QKI: variants seen among roughly 807,000 people sequenced by gnomAD.
The protein encoded by QKI is QKI, KH domain containing RNA binding.
In QKI, 10 loss-of-function variants were observed where a neutral mutation model predicts 39.0. That is an observed-to-expected ratio of 0.26 (90% CI 0.16 to 0.43). The LOEUF (loss-of-function observed/expected upper bound fraction) is 0.43, where lower values mean the gene tolerates loss of function less well. Ranked by LOEUF, QKI falls within the 20% of genes least tolerant of loss-of-function variation. QKI has a pLI of 1.00. For synonymous variants in QKI, 204 were observed against 155.4 expected, an observed-to-expected ratio of 1.31 and a Z score of -2.33; for missense variants, 218 against 428.0, an observed-to-expected ratio of 0.51 and a Z score of 4.33.
At chr6:163,543,894 A>G (rs925385100) in intron 4 of QKI, among the ~76,000 whole-genome samples, 5 of 152,130 alleles carry the variant, frequency 3.3e-5, no homozygotes, top group African/African-American at 9.7e-5. Flanking sequence ...ATATATTTTC[A>G]GATAATGCTA....
chr6:163,415,026 C>T lies in QKI; in HGVS notation c.-168C>T. 8.2e-6 allele frequency: 5 copies of T among 610,802 alleles called. No individual in the cohort carries two copies. Among genetic ancestry groups the T allele is most frequent in the Non-Finnish European group, 1.0e-5 (5 of 498,338 alleles). The allele number at this position is 610,802 out of a possible 1,614,324, so 37.8% of individuals were successfully genotyped here. ...AGTGCCTGCGGGGGGCGGGCGAGCG[C>T]GCGGTGCCGGCCGCCCCGGGGCTCG... On this transcript the variant is annotated 5_prime_UTR_variant, in exon 1 of 8. Transcript: ENST00000361752.
At chr6:163,431,069 G>T (rs1452023952) in intron 1 of QKI, among the ~76,000 whole-genome samples, 1 of 152,012 alleles carries the variant, frequency 6.6e-6, no homozygotes. Flanking sequence ...AAATTTTAGG[G>T]GATTGTTAAA....
intron 3 of QKI, among the ~76,000 whole-genome samples, chr6:163,521,562 G>A (rs538109144): frequency 2.0e-5 from 3 of 152,162 alleles, no homozygotes; most frequent in Admixed American, 6.5e-5. Flanking sequence ...TCACTCTGTC[G>A]CCCAGGCTGG....
At chr6:163,546,717 T>C (rs966027991) in intron 4 of QKI, among the ~76,000 whole-genome samples, 2 of 152,088 alleles carry the variant, frequency 1.3e-5, no homozygotes, top group Non-Finnish European at 2.9e-5. Flanking sequence ...CATTTTAGTA[T>C]TAAGATTATT....
intron 1 of QKI, among the ~76,000 whole-genome samples, chr6:163,447,538 A>G (rs1007286083): frequency 6.6e-5 from 10 of 152,086 alleles, no homozygotes; most frequent in Non-Finnish European, 8.8e-5. Flanking sequence ...TCTGGTATCT[A>G]TAATTCTACT....
At chr6:163,481,467 GA>G (rs1185942222) in intron 3 of QKI, among the ~76,000 whole-genome samples, 2 of 152,046 alleles carry the variant, frequency 1.3e-5, no homozygotes, top group Non-Finnish European at 2.9e-5. Flanking sequence ...GCAGGCACTT[GA>G]AAAAAATACC....
intron 1 of QKI, 106 bp downstream of exon 1, chr6:163,415,441 G>C: frequency 4.0e-6 from 4 of 991,334 alleles, no homozygotes; most frequent in East Asian, 4.2e-5. Context: ...GGGCGGGACC[G>C]AGCGCCGGGG....
chr6:163,546,275 T>C (rs972400340), intron 4 of QKI, among the ~76,000 whole-genome samples: 1 of 151,900 alleles, frequency 6.6e-6, no homozygotes, highest in African/African-American at 2.4e-5. Flanking sequence ...TTTGTTTGCA[T>C]GCCCTTCTGA....
chr6:163,457,000 G>C (rs147253863), intron 2 of QKI, among the ~76,000 whole-genome samples: 1 of 152,120 alleles, frequency 6.6e-6, no homozygotes, highest in African/African-American at 2.4e-5. Context: ...ACCTAGACAG[G>C]ACCACTGTGA....
chr6:163,430,540 T>C (rs1232939884), intron 1 of QKI, among the ~76,000 whole-genome samples: 1 of 152,190 alleles, frequency 6.6e-6, no homozygotes, highest in African/African-American at 2.4e-5. Flanking sequence ...ATTGGGCTTA[T>C]GAATTGATCA....
chr6:163,546,130 A>C (rs1781857400), intron 4 of QKI, among the ~76,000 whole-genome samples: 1 of 150,754 alleles, frequency 6.6e-6, no homozygotes, highest in Non-Finnish European at 1.5e-5. Context: ...AAATTTCTTT[A>C]TTAAATGTAT....
intron 3 of QKI, among the ~76,000 whole-genome samples, chr6:163,501,162 A>G (rs976926114): frequency 1.8e-4 from 27 of 152,114 alleles, no homozygotes; most frequent in Admixed American, 3.9e-4. Context: ...ACTCAGATGG[A>G]TAATGTGAAT....
At chr6:163,431,243 A>G (rs1384456750) in intron 1 of QKI, among the ~76,000 whole-genome samples, 6 of 152,206 alleles carry the variant, frequency 3.9e-5, no homozygotes, top group Non-Finnish European at 7.4e-5. Flanking sequence ...GAAAGGAAGC[A>G]AGAAAACTGT....
Position 163,497,938 on chromosome 6 carries a change from C to T in QKI, c.402+19042C>T, listed in dbSNP as rs544952582. On this transcript the variant is annotated intron_variant, in intron 3 of 7. Coordinates refer to ENST00000361752, the MANE Select transcript of QKI (RefSeq NM_006775.3). ...TTCTTAAATCTACTTTTGTTACTAG[C>T]TATCATGGGATTTGTTAAGGAGTGA... is the stretch of plus-strand genomic sequence containing the variant. 4.8e-3 allele frequency among the ~76,000 whole-genome samples: 728 copies of T among 152,116 alleles called. 3 individuals carry two copies. Among genetic ancestry groups the T allele is most frequent in the Non-Finnish European group, 8.5e-3 (579 of 67,950 alleles).
intron 1 of QKI, among the ~76,000 whole-genome samples, chr6:163,449,413 G>A (rs1361612437): frequency 6.6e-6 from 1 of 152,082 alleles, no homozygotes; most frequent in Non-Finnish European, 1.5e-5. Context: ...AGATTTTGTT[G>A]ATGGATTCAA....
intron 3 of QKI, among the ~76,000 whole-genome samples, chr6:163,499,567 T>C (rs1778616964): frequency 6.6e-6 from 1 of 152,234 alleles, no homozygotes; most frequent in Non-Finnish European, 1.5e-5. Context: ...AGTGTACGTT[T>C]AGTTTAACAT....
intron 2 of QKI, among the ~76,000 whole-genome samples, chr6:163,477,403 C>T (rs899937117): frequency 3.9e-5 from 6 of 152,032 alleles, no homozygotes; most frequent in African/African-American, 1.2e-4. Flanking sequence ...AGCACATAAC[C>T]GTAGTATACT....
At chr6:163,505,344 A>T (rs147075467) in intron 3 of QKI, among the ~76,000 whole-genome samples, 1 of 152,164 alleles carries the variant, frequency 6.6e-6, no homozygotes, top group Non-Finnish European at 1.5e-5. Flanking sequence ...GAGGGCCACC[A>T]TCCTCCAGAC....
At chr6:163,457,513 C>G (rs1200148582) in intron 2 of QKI, 36 of 454,014 alleles carry the variant, frequency 7.9e-5, no homozygotes, top group East Asian at 1.4e-4. Context: ...TGTAAATGTT[C>G]AAGCCCCTTT....
Sources: allele counts gnomAD v4.1 joint callset (sites outside exome capture counted in the v4.1 genomes callset), GRCh38; gene constraint gnomAD v4.1.1; transcripts MANE v1.5; gene names NCBI Gene and HGNC (gene_info 2026-07-23, HGNC 2026-07-21).